The following COL24A1 variants were observed in gnomAD, a reference collection of about 807,000 sequenced individuals.
COL24A1 encodes collagen type XXIV alpha 1 chain.
Under a neutral mutation model 253.9 loss-of-function variants are expected in COL24A1, and 224 were observed. The observed-to-expected ratio is 0.88, with a 90% CI of 0.79 to 0.99. The LOEUF (loss-of-function observed/expected upper bound fraction) is 0.99. Among genes scored for constraint, COL24A1 ranks in the 50% least tolerant of loss-of-function variants. The pLI is 0.00. For synonymous variants in COL24A1, 685 were observed against 673.7 expected, an observed-to-expected ratio of 1.02 and a Z score of -0.26; for missense variants, 2,131 against 2,068.5, an observed-to-expected ratio of 1.03 and a Z score of -0.59.
intron 19 of COL24A1, among the ~76,000 whole-genome samples, chr1:86,015,917 T>C (rs1042737614): frequency 6.6e-6 from 1 of 150,876 alleles, no homozygotes; most frequent in South Asian, 2.1e-4. Context: ...CGGGGTCTCA[T>C]TTTGTCACCC....
chr1:86,045,755 G>A (rs1159035040), intron 12 of COL24A1: 1 of 355,972 alleles, frequency 2.8e-6, no homozygotes, highest in East Asian at 7.8e-5. Context: ...CAAAATGTTT[G>A]GCTTATTTTG....
rs374795624 is a variant in COL24A1, at chr1:85,868,603, A to G, written c.3216T>C (p.Leu1072=). 127 of 1,613,874 alleles carry G rather than the reference A, an allele frequency of 7.9e-5. No individual in the cohort carries two copies. In the African/African-American group the frequency reaches 1.6e-3, roughly 20 times the overall value. The change falls in exon 37 of 60, where the codon CTT becomes CTC. Residue 1072 remains leucine, a synonymous_variant. Coordinates refer to ENST00000370571, the MANE Select transcript of COL24A1 (RefSeq NM_152890.7). ...CTCCTTTTTCTCCATCCTCTCCAGG[A>G]AGTCCCCTTCCTCCTGGTACTCCCT... ...GLKGVPGGRG[L]PGEDGEKGEM... is the part of the protein sequence containing the mutation.
intron 57 of COL24A1, among the ~76,000 whole-genome samples, chr1:85,741,798 T>C (rs1664674295): frequency 6.6e-6 from 1 of 152,198 alleles, no homozygotes; most frequent in Admixed American, 6.5e-5. Context: ...GAATGAAAAG[T>C]TCCTAGCATT....
chr1:86,079,257 A>G (rs539333038), intron 7 of COL24A1, among the ~76,000 whole-genome samples: 1 of 152,354 alleles, frequency 6.6e-6, no homozygotes, highest in South Asian at 2.1e-4. Flanking sequence ...CATATGTAGA[A>G]TAATGAAACT....
chr1:86,127,326 T>C, intron 2 of COL24A1, among the ~76,000 whole-genome samples: 1 of 152,132 alleles, frequency 6.6e-6, no homozygotes, highest in East Asian at 1.9e-4. Flanking sequence ...TTCATCGTAA[T>C]ATTACCAATA....
intron 37 of COL24A1, among the ~76,000 whole-genome samples, chr1:85,854,615 A>C (rs959465268): frequency 6.6e-6 from 1 of 151,898 alleles, no homozygotes; most frequent in African/African-American, 2.4e-5. Flanking sequence ...AGGTTTTTAC[A>C]TTTGTTTGTG....
intron 7 of COL24A1, among the ~76,000 whole-genome samples, chr1:86,081,112 A>C (rs1263440833): frequency 6.6e-6 from 1 of 152,090 alleles, no homozygotes. Context: ...TTAAAGCATC[A>C]TTTATTTGAA....
At chr1:85,979,490 C>T (rs111514006) in intron 20 of COL24A1, among the ~76,000 whole-genome samples, 30 of 151,690 alleles carry the variant, frequency 2.0e-4, no homozygotes, top group Admixed American at 2.6e-4. Flanking sequence ...TCAATAGAAA[C>T]GAAATGGGAG....
chr1:85,872,582 T>C (rs1250883072), intron 35 of COL24A1, among the ~76,000 whole-genome samples: 4 of 152,060 alleles, frequency 2.6e-5, no homozygotes, highest in Non-Finnish European at 4.4e-5. Flanking sequence ...AAACAAGAAA[T>C]AGGGAAAGGA....
chr1:85,784,193 A>G (rs1414638844), intron 49 of COL24A1, 27 bp from the exon 50 acceptor site: 1 of 1,612,344 alleles, frequency 6.2e-7, no homozygotes, highest in Non-Finnish European at 8.5e-7. Context: ...CATGATAATA[A>G]TTATTGTACA....
chr1:86,056,677 A>C (rs1250154502), intron 10 of COL24A1, among the ~76,000 whole-genome samples: 1 of 151,980 alleles, frequency 6.6e-6, no homozygotes, highest in Non-Finnish European at 1.5e-5. Flanking sequence ...AACATGGTGA[A>C]ACCCTGTCTC....
intron 7 of COL24A1, 36 bp downstream of exon 7, chr1:86,089,136 AAG>A: frequency 1.3e-6 from 2 of 1,533,108 alleles, no homozygotes; most frequent in Non-Finnish European, 1.8e-6. Flanking sequence ...AAAAGAAAAA[AAG>A]AAGAAAAAAA....
At chr1:86,147,220 A>G (rs933526901) in intron 1 of COL24A1, among the ~76,000 whole-genome samples, 1 of 152,160 alleles carries the variant, frequency 6.6e-6, no homozygotes, top group African/African-American at 2.4e-5. Context: ...ACCTTTACCA[A>G]CTAGTATAAG....
intron 43 of COL24A1, among the ~76,000 whole-genome samples, chr1:85,832,600 A>C (rs1365662986): frequency 3.3e-5 from 5 of 149,936 alleles, no homozygotes; most frequent in African/African-American, 7.4e-5. Flanking sequence ...CTTTTATTTC[A>C]TTGAGCAGTG....
chr1:86,022,108 T>C lies in COL24A1; in HGVS notation c.2256+132A>G, dbSNP rs1697590612. 5.0e-6 allele frequency: 4 copies of C among 795,482 alleles called. No homozygotes were observed. In the Admixed American group the frequency reaches 6.5e-5, roughly 13 times the overall value. The allele number at this position is 795,482 out of a possible 1,614,324, so 49.3% of individuals were successfully genotyped here. On this transcript the variant is annotated intron_variant, in intron 18 of 59. Coordinates refer to ENST00000370571, the MANE Select transcript of COL24A1 (RefSeq NM_152890.7). ...GAATGTGAACTGAATACCTGAGGGA[T>C]TTGCTATATTCTAAAACTAAGGAGA...
chr1:85,977,008 C>T (rs1056020735), intron 20 of COL24A1, among the ~76,000 whole-genome samples: 1 of 152,132 alleles, frequency 6.6e-6, no homozygotes, highest in Admixed American at 6.5e-5. Flanking sequence ...GTGCTGGTAT[C>T]GACAGCTGAG....
chr1:86,062,846 T>G (rs1268827650), intron 8 of COL24A1, among the ~76,000 whole-genome samples: 1 of 152,056 alleles, frequency 6.6e-6, no homozygotes, highest in Admixed American at 6.6e-5. Flanking sequence ...CTGAACAGAG[T>G]GTACTGTCTA....
Position 86,116,766 on chromosome 1 carries a change from G to T in COL24A1, c.1492-1388C>A, listed in dbSNP as rs183177434. 1.3e-3 allele frequency among the ~76,000 whole-genome samples: 195 copies of T among 152,032 alleles called. 1 individual carries two copies. The highest frequency in any genetic ancestry group is 2.4e-3 in the Non-Finnish European group (163 of 67,954). Reference sequence around the variant, plus strand: ...GACTGTCCATGTTTTTCCTTTAGTTGCACTTTTTTCTCTTACCCCCTAAAT... The same window carrying T: ...GACTGTCCATGTTTTTCCTTTAGTTTCACTTTTTTCTCTTACCCCCTAAAT... On this transcript the variant is annotated intron_variant, in intron 3 of 59. Coordinates refer to ENST00000370571, the MANE Select transcript of COL24A1 (RefSeq NM_152890.7).
intron 5 of COL24A1, among the ~76,000 whole-genome samples, chr1:86,096,419 A>C (rs372393968): frequency 1.5e-4 from 23 of 152,240 alleles, no homozygotes; most frequent in African/African-American, 5.5e-4. Context: ...CATAAGCTTC[A>C]TAATCTCAAT....
Sources: allele counts gnomAD v4.1 joint callset (sites outside exome capture counted in the v4.1 genomes callset), GRCh38; gene constraint gnomAD v4.1.1; transcripts MANE v1.5; gene names NCBI Gene and HGNC (gene_info 2026-07-23, HGNC 2026-07-21).